The following ACSL1 variants were observed in gnomAD, a reference collection of about 807,000 sequenced individuals.
The protein encoded by ACSL1 is long-chain-fatty-acid--CoA ligase 1.
In ACSL1, 41 loss-of-function variants were observed where a neutral mutation model predicts 98.4. The ratio of observed to expected loss-of-function variants is 0.42; its 90% CI spans 0.32 to 0.54. The LOEUF (loss-of-function observed/expected upper bound fraction) is 0.54, where lower values mean the gene tolerates loss of function less well. Among genes scored for constraint, ACSL1 ranks in the 20% least tolerant of loss-of-function variants. The probability of loss-of-function intolerance (pLI) is 0.13; values close to 1 mark genes in which losing one functional copy is unlikely to be tolerated. For synonymous variants in ACSL1, 316 were observed against 322.7 expected (o/e 0.98, Z 0.22); for missense variants, 734 against 883.1 (o/e 0.83, Z 2.14).
At chr4:184,788,469 C>T (rs749493502) in intron 3 of ACSL1, 148 bp downstream of exon 3, 3 of 715,838 alleles carry the variant, frequency 4.2e-6, no homozygotes, top group Middle Eastern at 2.3e-4. Flanking sequence ...GCTTTGGGAC[C>T]GACTCTGGGA....
At chr4:184,771,536 A>AT (rs1251016951) in intron 10 of ACSL1, among the ~76,000 whole-genome samples, 1 of 152,222 alleles carries the variant, frequency 6.6e-6, no homozygotes, top group Non-Finnish European at 1.5e-5. Flanking sequence ...AATGCTGATC[A>AT]TGATGGGTCC....
In ACSL1 at chr4:184,823,363, G is replaced by T. The variant is rs535085864; in HGVS notation, c.-33+2553C>A. Among the ~76,000 whole-genome samples the T allele has an allele frequency of 4.6e-5, 7 of 152,294 alleles. No homozygotes were observed. The South Asian group carries it at 1.5e-3, about 32-fold the overall frequency. ...AAAACATTACTAATGGATTCTAATTGAACAGAGTTTGGTTACAAGAGACAG... is the reference window on the plus strand; with the variant it reads ...AAAACATTACTAATGGATTCTAATTTAACAGAGTTTGGTTACAAGAGACAG... On this transcript the variant is annotated intron_variant, in intron 1 of 20. Transcript: ENST00000281455.
chr4:184,798,735 G>C (rs570833348), intron 2 of ACSL1: 1 of 152,356 alleles, frequency 6.6e-6, no homozygotes, highest in Non-Finnish European at 1.5e-5. Context: ...GGCTGTGCCA[G>C]CGTAGCACTG....
Position 184,803,228 on chromosome 4 carries a change from T to A in ACSL1, c.195+92A>T, listed in dbSNP as rs907421769. ...TACAAAGTGCAGTTATAAACAAATA[T>A]TTGATCTTGATGGCTATCACATTCA... On this transcript the variant is annotated intron_variant, in intron 2 of 20. Transcript: ENST00000281455. This position sits in a 1 kb window ranked among gnomAD's most constrained non-coding sequence, Gnocchi z 4.8. 6 of 1,230,204 alleles carry A rather than the reference T, an allele frequency of 4.9e-6. No homozygotes were observed. In the African/African-American group the frequency reaches 7.7e-5, roughly 16 times the overall value. 76.2% of individuals were successfully genotyped at this position (1,230,204 alleles called of 1,614,324 possible).
chr4:184,770,238 C>A, intron 11 of ACSL1, 161 bp downstream of exon 11: 1 of 1,538,076 alleles, frequency 6.5e-7, no homozygotes, highest in South Asian at 1.2e-5. Flanking sequence ...GGATGACAGT[C>A]CGCACGCCAC....
intron 2 of ACSL1, among the ~76,000 whole-genome samples, chr4:184,802,435 GTTC>G (rs777804974): frequency 6.6e-6 from 1 of 152,040 alleles, no homozygotes; most frequent in African/African-American, 2.4e-5. Flanking sequence ...GTTTCACAAT[GTTC>G]TTCTGCATAT....
Position 184,757,380 on chromosome 4 carries a change from T to A in ACSL1, c.1957-115A>T. 7.4e-7 allele frequency: 1 copy of A among 1,350,596 alleles called. No individual in the cohort carries two copies. The highest frequency in any genetic ancestry group is 1.0e-6 in the Non-Finnish European group (1 of 1,002,174). The allele number at this position is 1,350,596 out of a possible 1,614,324, so 83.7% of individuals were successfully genotyped here. A position where few individuals can be genotyped will look rare whatever the true frequency, so the allele number is the denominator to read the frequency against. On this transcript the variant is annotated intron_variant, in intron 20 of 20. Coordinates refer to ENST00000281455, the MANE Select transcript of ACSL1 (RefSeq NM_001995.5). The surrounding 1 kb of genome is among the most constrained non-coding windows in gnomAD (Gnocchi z 4.5). ...CCAGCCATCCAATCCATCCTCTCAT[T>A]TCAGCCAAGCTGCACCTTCTCAACA...
At chr4:184,783,760 C>G (rs1420321030) in intron 4 of ACSL1, among the ~76,000 whole-genome samples, 167 bp downstream of exon 4, 1 of 152,160 alleles carries the variant, frequency 6.6e-6, no homozygotes, top group African/African-American at 2.4e-5. Context: ...CTTGTTCTCC[C>G]CAAACCTTTG....
chr4:184,785,616 G>A (rs540658576), intron 3 of ACSL1, among the ~76,000 whole-genome samples: 1 of 31,028 alleles, frequency 3.2e-5, no homozygotes, highest in African/African-American at 7.5e-5. Flanking sequence ...CGGGGGGGGG[G>A]GGGGGAAGGA....
chr4:184,803,476 T>C lies in ACSL1; in HGVS notation c.39A>G (p.Pro13=). 3 of 1,608,464 alleles carry C rather than the reference T, an allele frequency of 1.9e-6. No individual in the cohort carries two copies. The highest frequency in any genetic ancestry group is 2.2e-5 in the East Asian group (1 of 44,738). ...AHELFRYFRM[P]ELVDFRQYVR... ...CGTACTGTCGGAAGTCAACCAGCTC[T>C]GGCATTCGAAAATACCGGAACAGCT... Residue 13 remains proline, a synonymous_variant, in exon 2 of 21, where the codon CCA becomes CCG. Coordinates refer to ENST00000281455, the MANE Select transcript of ACSL1 (RefSeq NM_001995.5). The surrounding 1 kb of genome is among the most constrained non-coding windows in gnomAD (Gnocchi z 4.8).
rs1434027090 is a variant in ACSL1 at position 184,805,560 on chromosome 4, C to T, written c.-32-2014G>A. The T allele has an allele frequency of 3.1e-6, 3 of 978,442 alleles. No homozygotes were observed. The African/African-American group carries it at 5.3e-5, about 17-fold the overall frequency. 60.6% of individuals were successfully genotyped at this position (978,442 alleles called of 1,614,324 possible). A position where few individuals can be genotyped will look rare whatever the true frequency, so the allele number is the denominator to read the frequency against. On this transcript the variant is annotated intron_variant, in intron 1 of 20. Coordinates refer to ENST00000281455, the MANE Select transcript of ACSL1 (RefSeq NM_001995.5). ...CCACCAACAGCTGACTACTAGGTGACACCCCACTGCAGACACAGAAGAGGG... is the reference window on the plus strand; with the variant it reads ...CCACCAACAGCTGACTACTAGGTGATACCCCACTGCAGACACAGAAGAGGG...
chr4:184,763,082 C>T, intron 16 of ACSL1, 85 bp downstream of exon 16: 1 of 1,366,324 alleles, frequency 7.3e-7, no homozygotes, highest in Non-Finnish European at 1.0e-6. Flanking sequence ...CTTTATTGAG[C>T]TGTTGGGAAA....
chr4:184,767,693 TAAG>T (rs1259090358), intron 12 of ACSL1, among the ~76,000 whole-genome samples: 1 of 152,218 alleles, frequency 6.6e-6, no homozygotes, highest in African/African-American at 2.4e-5. Flanking sequence ...ATTAAAAACA[TAAG>T]AACGTTCTGA....
rs184636109 is a variant in ACSL1 at position 184,763,534 on chromosome 4, G to C, written c.1433-279C>G. Among the ~76,000 whole-genome samples, 521 of 152,224 alleles carry C rather than the reference G, an allele frequency of 3.4e-3. 2 individuals are homozygous for C. The highest frequency in any genetic ancestry group is 6.8e-3 in the Middle Eastern group (2 of 294). On this transcript the variant is annotated intron_variant, in intron 15 of 20. Coordinates refer to ENST00000281455, the MANE Select transcript of ACSL1 (RefSeq NM_001995.5). ...TATGTGAAGGTTCCTACAAACACCT[G>C]GAAGCAGCCTCTCTCAAACCTTCAC...
chr4:184,771,377 G>A (rs1161282876), intron 10 of ACSL1, among the ~76,000 whole-genome samples: 2 of 152,122 alleles, frequency 1.3e-5, no homozygotes, highest in African/African-American at 2.4e-5. Flanking sequence ...GGGAAAGGAG[G>A]AAAGAAGATA....
At chr4:184,777,130 T>A in intron 5 of ACSL1, 147 bp from the exon 6 acceptor site, 1 of 686,558 alleles carries the variant, frequency 1.5e-6, no homozygotes, top group Non-Finnish European at 2.5e-6. Context: ...TGCCAGGTGC[T>A]ATAAGGGATT....
rs1579946225 is a variant in ACSL1 at position 184,803,401 on chromosome 4, T to C, written c.114A>G (p.Ala38=). 1 of 1,613,756 alleles carries C rather than the reference T, an allele frequency of 6.2e-7. No homozygotes were observed. Among genetic ancestry groups the C allele is most frequent in the Non-Finnish European group, 8.5e-7 (1 of 1,179,908 alleles). The part of the protein sequence containing the change: ...NTLMGFGAFA[A]LTTFWYATRP... ...TCGTGGCGTACCAGAAGGTGGTGAG[T>C]GCTGCAAAAGCTCCGAAGCCCATAA... The change falls in exon 2 of 21, where the codon GCA becomes GCG. Residue 38 remains alanine, a synonymous_variant. Transcript: ENST00000281455. The surrounding 1 kb of genome is among the most constrained non-coding windows in gnomAD (Gnocchi z 4.8).
intron 11 of ACSL1, among the ~76,000 whole-genome samples, chr4:184,769,777 T>C (rs1764212613): frequency 6.6e-6 from 1 of 152,240 alleles, no homozygotes; most frequent in African/African-American, 2.4e-5. Context: ...CTCATTGTTT[T>C]TTCCTACAGC....
Position 184,776,514 on chromosome 4 carries a change from C to A in ACSL1, c.726G>T (p.Gly242=). The A allele has an allele frequency of 3.7e-6, 6 of 1,613,810 alleles. No individual in the cohort carries two copies. The highest frequency in any genetic ancestry group is 5.1e-6 in the Non-Finnish European group (6 of 1,179,828). Residue 242 remains glycine (G), a synonymous_variant, in exon 7 of 21, where the codon GGG becomes GGT. Transcript: ENST00000281455. ...SELVERGQRC[G]VEVTSMKAME... ...TCGCCTTCATGCTGGTGACTTCCAC[C>A]CCACACCTCTGGCCTCGTTCCACCA...
Sources: gnomAD v4.1 joint callset for allele counts (sites outside exome capture counted in the v4.1 genomes callset) on GRCh38, gnomAD v4.1.1 for gene constraint, Gnocchi (gnomAD v3.1) non-coding constraint, MANE v1.5 for transcripts, NCBI Gene and HGNC (gene_info 2026-07-23, HGNC 2026-07-21) for gene names.